Variants in LRMDA observed in about 807,000 individuals in gnomAD.
LRMDA encodes the protein leucine rich melanocyte differentiation associated.
In LRMDA, 18 loss-of-function variants were observed where a neutral mutation model predicts 29.8. The ratio of observed to expected loss-of-function variants is 0.60; its 90% CI spans 0.42 to 0.90. The LOEUF is 0.90. Among genes scored for constraint, LRMDA ranks in the 40% least tolerant of loss-of-function variants. The pLI, the probability that LRMDA is intolerant of heterozygous loss-of-function variation, is 0.00. For synonymous variants in LRMDA, 125 were observed against 109.4 expected (o/e 1.14, Z -0.89); for missense variants, 273 against 273.9 (o/e 1.00, Z 0.02).
At chr10:75,556,749 A>AT (rs143334606) in intron 2 of LRMDA, among the ~76,000 whole-genome samples, 70,559 of 142,476 alleles carry the variant, frequency 0.5, 19,818 homozygotes, top group Non-Finnish European at 0.62. Flanking sequence ...TGGTTGCATG[A>AT]TTGTTTTTTT....
chr10:76,529,234 A>G (rs1422330277), intron 6 of LRMDA, among the ~76,000 whole-genome samples: 1 of 152,044 alleles, frequency 6.6e-6, no homozygotes, highest in African/African-American at 2.4e-5. Flanking sequence ...ACTGCCTTTT[A>G]TGATTGTGGT....
intron 2 of LRMDA, among the ~76,000 whole-genome samples, chr10:75,445,893 T>C (rs1420402053): frequency 1.3e-5 from 2 of 152,268 alleles, no homozygotes; most frequent in African/African-American, 4.8e-5. Context: ...TGCATCACTC[T>C]GATAAATGCA....
chr10:76,106,792 A>G (rs1188947661), intron 5 of LRMDA, among the ~76,000 whole-genome samples: 1 of 152,202 alleles, frequency 6.6e-6, no homozygotes, highest in Non-Finnish European at 1.5e-5. Context: ...TCTCTGCGGG[A>G]CAAGAGGAAG....
chr10:76,467,114 G>A (rs1405369702), intron 6 of LRMDA, among the ~76,000 whole-genome samples: 1 of 152,096 alleles, frequency 6.6e-6, no homozygotes, highest in Non-Finnish European at 1.5e-5. Flanking sequence ...TTTTTGAAGT[G>A]GAATTACTAA....
intron 5 of LRMDA, among the ~76,000 whole-genome samples, chr10:76,296,750 TC>T (rs1840416408): frequency 6.6e-6 from 1 of 152,200 alleles, no homozygotes; most frequent in Admixed American, 6.5e-5. Flanking sequence ...GTATTTCTGG[TC>T]ATTTAAAGAT....
intron 2 of LRMDA, among the ~76,000 whole-genome samples, chr10:75,722,218 G>A (rs752840208): frequency 3.9e-5 from 6 of 152,010 alleles, no homozygotes; most frequent in South Asian, 2.1e-4. Flanking sequence ...CTGGTGCATC[G>A]TTATTGCTAC....
At chr10:75,866,557 A>G (rs577020862) in intron 2 of LRMDA, among the ~76,000 whole-genome samples, 2 of 152,324 alleles carry the variant, frequency 1.3e-5, no homozygotes, top group East Asian at 3.9e-4. Flanking sequence ...TGAGAAGCGA[A>G]GGGGTTCTGG....
chr10:75,555,385 T>G (rs950225111), intron 2 of LRMDA, among the ~76,000 whole-genome samples: 3 of 152,084 alleles, frequency 2.0e-5, no homozygotes, highest in African/African-American at 7.2e-5. Flanking sequence ...AGACTAGAGT[T>G]CAGGACAACC....
chr10:76,220,018 C>T (rs972589190), intron 5 of LRMDA, among the ~76,000 whole-genome samples: 11 of 152,212 alleles, frequency 7.2e-5, no homozygotes, highest in African/African-American at 2.7e-4. Flanking sequence ...TGAATAACTA[C>T]TGGGTACTTA....
At chr10:75,984,925 C>T (rs1308080882) in intron 2 of LRMDA, among the ~76,000 whole-genome samples, 2 of 152,158 alleles carry the variant, frequency 1.3e-5, no homozygotes, top group African/African-American at 4.8e-5. Flanking sequence ...GGCCTGAAAA[C>T]CTGATGCATT....
rs559476996 is a variant in LRMDA at position 75,828,976 on chromosome 10, C to CT, written c.132-207025dup. On this transcript the variant is annotated intron_variant, in intron 2 of 6. Coordinates refer to ENST00000611255, the MANE Select transcript of LRMDA (RefSeq NM_001305581.2). ...CTGTCCCTGCCGTTGAGCCTGCAGG[C>CT]TTTTTTTAGGTGCTGCAGCCAGTCA... 3.3e-4 allele frequency among the ~76,000 whole-genome samples: 50 copies of CT among 152,216 alleles called. 1 individual carries two copies. The East Asian group carries it at 9.6e-3, about 29-fold the overall frequency.
chr10:75,726,072 A>C (rs1303215128), intron 2 of LRMDA, among the ~76,000 whole-genome samples: 2 of 152,214 alleles, frequency 1.3e-5, no homozygotes, highest in African/African-American at 2.4e-5. Flanking sequence ...TACTGGAAAA[A>C]TGTACCTAAA....
rs773781154 is a variant in LRMDA, at chr10:76,442,158, G to T, written c.602-115051G>T. 2.6e-5 allele frequency among the ~76,000 whole-genome samples: 4 copies of T among 152,210 alleles called. No individual in the cohort carries two copies. The East Asian group carries it at 5.8e-4, about 22-fold the overall frequency. ...AAATATGTCTAGTTTGGCACACAGG[G>T]TAAATACGTGATTATTGCTAACCCT... On this transcript the variant is annotated intron_variant, in intron 6 of 6. Transcript: ENST00000611255.
At chr10:75,702,197 T>G (rs1842316183) in intron 2 of LRMDA, among the ~76,000 whole-genome samples, 3 of 152,242 alleles carry the variant, frequency 2.0e-5, no homozygotes, top group African/African-American at 7.2e-5. Flanking sequence ...ATGTCTACTC[T>G]CGTCACAGTC....
At chr10:76,368,488 T>G (rs968282320) in intron 6 of LRMDA, among the ~76,000 whole-genome samples, 1 of 152,222 alleles carries the variant, frequency 6.6e-6, no homozygotes, top group Non-Finnish European at 1.5e-5. Flanking sequence ...TTCAATTTTC[T>G]TAAATGTATT....
chr10:76,081,810 T>G (rs1849053628), intron 5 of LRMDA, among the ~76,000 whole-genome samples: 1 of 152,226 alleles, frequency 6.6e-6, no homozygotes, highest in Admixed American at 6.5e-5. Context: ...GAGCACATTA[T>G]ATGTTTATAT....
intron 2 of LRMDA, among the ~76,000 whole-genome samples, chr10:75,704,723 G>A (rs201104903): frequency 6.6e-6 from 1 of 152,194 alleles, no homozygotes; most frequent in Non-Finnish European, 1.5e-5. Context: ...GAGCCAGCCT[G>A]GTGCAGTGGA....
At chr10:76,093,078 C>T (rs4746360) in intron 5 of LRMDA, among the ~76,000 whole-genome samples, 62,405 of 151,760 alleles carry the variant, frequency 0.41, 13,344 homozygotes, top group Non-Finnish European at 0.44. Flanking sequence ...GCTCTTGTTG[C>T]CCAGGCTGGA....
chr10:76,434,538 C>A (rs540982839), intron 6 of LRMDA, among the ~76,000 whole-genome samples: 14 of 152,244 alleles, frequency 9.2e-5, no homozygotes, highest in African/African-American at 3.4e-4. Flanking sequence ...CCCATAAATC[C>A]ACCCACTTAC....
Sources: allele counts gnomAD v4.1 joint callset (sites outside exome capture counted in the v4.1 genomes callset), GRCh38; gene constraint gnomAD v4.1.1; transcripts MANE v1.5; gene names NCBI Gene and HGNC (gene_info 2026-07-23, HGNC 2026-07-21).